The following RNF123 variants were observed in gnomAD, a reference collection of about 807,000 sequenced individuals.
RNF123 encodes the protein E3 ubiquitin-protein ligase RNF123.
In RNF123, 86 loss-of-function variants were observed where a neutral mutation model predicts 168.5. The observed-to-expected ratio is 0.51, with a 90% CI of 0.43 to 0.61. The LOEUF (loss-of-function observed/expected upper bound fraction) is 0.61. Ranked by LOEUF, RNF123 falls within the 20% of genes least tolerant of loss-of-function variation. RNF123 has a pLI of 0.00. For missense variants in RNF123, 1,419 were observed against 1,729.7 expected (o/e 0.82, Z 3.19); for synonymous variants, 666 against 689.1 (o/e 0.97, Z 0.52).
At chr3:49,705,461 T>C in intron 23 of RNF123, 73 bp from the exon 24 acceptor site, 1 of 1,520,748 alleles carries the variant, frequency 6.6e-7, no homozygotes, top group East Asian at 2.3e-5. Context: ...GATGATTTCC[T>C]CTCCTGCTGT....
At position 49,700,621 on chromosome 3, in the gene RNF123, G is replaced by T; in HGVS notation, c.1204-15G>T. The T allele has an allele frequency of 6.2e-7, 1 of 1,614,134 alleles. No individual in the cohort carries two copies. Among genetic ancestry groups the T allele is most frequent in the Non-Finnish European group, 8.5e-7 (1 of 1,180,008 alleles). On this transcript the variant is annotated splice_polypyrimidine_tract_variant and intron_variant, in intron 14 of 38. Coordinates refer to ENST00000327697, the MANE Select transcript of RNF123 (RefSeq NM_022064.5). ...TGGGACTCGCCTGTCCACTCTGAAC[G>T]CCCCCTCTCCACAGATCCATTACCT...
intron 15 of RNF123, 36 bp downstream of exon 15, chr3:49,700,745 G>C: frequency 6.2e-7 from 1 of 1,610,528 alleles, no homozygotes; most frequent in Non-Finnish European, 8.5e-7. Flanking sequence ...GCCAGACATG[G>C]GGTGCCCTCT....
chr3:49,691,112 G>C lies in RNF123; in HGVS notation c.-36-18G>C, dbSNP rs1349851586. On this transcript the variant is annotated intron_variant, in intron 1 of 38. Transcript: ENST00000327697. ...CCCCTGGCTGGCCCTGAGTAGACAG[G>C]CTCTGTGTCTGGCTCAGCCCCCAGG... 4 of 1,557,690 alleles carry C rather than the reference G, an allele frequency of 2.6e-6. No individual in the cohort carries two copies. In the African/African-American group the frequency reaches 5.4e-5, roughly 21 times the overall value.
intron 26 of RNF123, among the ~76,000 whole-genome samples, chr3:49,708,977 A>T (rs1027246728): frequency 6.6e-6 from 1 of 151,468 alleles, no homozygotes; most frequent in Non-Finnish European, 1.5e-5. Context: ...TTAATTTTTT[A>T]TTTTTTTTGA....
chr3:49,719,386 G>A, intron 35 of RNF123: 3 of 1,613,604 alleles, frequency 1.9e-6, no homozygotes, highest in Non-Finnish European at 2.5e-6. Context: ...CGCACGGGGC[G>A]GGAAACCCTC....
rs1222054357 is a variant in RNF123, at chr3:49,713,984, T to G, written c.2912T>G (p.Val971Gly). ...RPWAQTNWILVRLWRGCGFGY... is the reference protein window; with the variant it reads ...RPWAQTNWILGRLWRGCGFGY... ...TGGGCCCAGACCAACTGGATCCTGG[T>G]GCGGCTCTGGAGGGTAAGCCTGACT... The change falls in exon 30 of 39, where the codon GTG becomes GGG. Residue 971 changes from valine to glycine, a missense_variant. Val to Gly is a moderately radical substitution (Grantham distance 109, BLOSUM62 -3). Coordinates refer to ENST00000327697, the MANE Select transcript of RNF123 (RefSeq NM_022064.5). The G allele has an allele frequency of 6.8e-6, 11 of 1,614,034 alleles. No homozygotes were observed. The highest frequency in any genetic ancestry group is 1.1e-5 in the South Asian group (1 of 91,086).
intron 35 of RNF123, chr3:49,716,706 C>T: frequency 4.0e-6 from 2 of 506,258 alleles, no homozygotes; most frequent in Non-Finnish European, 3.6e-6. Flanking sequence ...CCCTGGCCCA[C>T]AGAGCCACTG....
In RNF123 at chr3:49,699,959, A is replaced by G; in HGVS notation, c.984+187A>G. Reference sequence around the variant, plus strand: ...AGGGAAACAGGGACATTGCCAACCAAGGGCATCAGGGGATGTCCTGGAAAG... The same window carrying G: ...AGGGAAACAGGGACATTGCCAACCAGGGGCATCAGGGGATGTCCTGGAAAG... On this transcript the variant is annotated intron_variant, in intron 12 of 38. Coordinates refer to ENST00000327697, the MANE Select transcript of RNF123 (RefSeq NM_022064.5). The surrounding 1 kb of genome is among the most constrained non-coding windows in gnomAD (Gnocchi z 4.8). 2.9e-6 allele frequency: 2 copies of G among 689,628 alleles called. No homozygotes were observed. The highest frequency in any genetic ancestry group is 2.6e-5 in the Admixed American group (1 of 38,110). The allele number at this position is 689,628 out of a possible 1,614,324, so 42.7% of individuals were successfully genotyped here. A position where few individuals can be genotyped will look rare whatever the true frequency, so the allele number is the denominator to read the frequency against.
At chr3:49,720,994 C>T (rs773696343) in intron 37 of RNF123, 26 bp from the exon 38 acceptor site, 1 of 1,608,736 alleles carries the variant, frequency 6.2e-7, no homozygotes, top group Non-Finnish European at 8.5e-7. Flanking sequence ...CCAACTCCAG[C>T]CCACCCTTCA....
At position 49,699,831 on chromosome 3, in the gene RNF123, G is replaced by A. The variant is rs967063384; in HGVS notation, c.984+59G>A. ...GAGACAGGCCATGCTAGACACGCCC[G>A]TGGTAGATGTGCCCTCACTGAGGGC... On this transcript the variant is annotated intron_variant, in intron 12 of 38. Transcript: ENST00000327697. The surrounding 1 kb of genome is among the most constrained non-coding windows in gnomAD (Gnocchi z 4.8). The A allele has an allele frequency of 5.1e-5, 77 of 1,521,150 alleles. No individual in the cohort carries two copies. The highest frequency in any genetic ancestry group is 4.6e-4 in the Middle Eastern group (2 of 4,388). 94.2% of individuals were successfully genotyped at this position (1,521,150 alleles called of 1,614,324 possible).
In RNF123 at chr3:49,715,565, C is replaced by T. The variant is rs559736828; in HGVS notation, c.3011-10C>T. ...AGTCCCTGATGATGCCGCCTCCTGT[C>T]CCCCTGCAGAGCCCTGCCCTTCCAC... On this transcript the variant is annotated splice_polypyrimidine_tract_variant and intron_variant, in intron 31 of 38. Transcript: ENST00000327697. The T allele has an allele frequency of 9.9e-6, 16 of 1,613,710 alleles. No individual in the cohort carries two copies. In the East Asian group the frequency reaches 2.7e-4, roughly 27 times the overall value.
At chr3:49,701,432 C>T in intron 15 of RNF123, 59 bp from the exon 16 acceptor site, 1 of 1,345,802 alleles carries the variant, frequency 7.4e-7, no homozygotes, top group South Asian at 1.2e-5. Context: ...TGGGGAAGGA[C>T]TCTTGAGGGT....
At chr3:49,702,989 C>T (rs1409157473) in intron 20 of RNF123, among the ~76,000 whole-genome samples, 2 of 152,220 alleles carry the variant, frequency 1.3e-5, no homozygotes, top group South Asian at 2.1e-4. Flanking sequence ...GGGCTCCTAC[C>T]ATTGTGGGCT....
Position 49,713,943 on chromosome 3 carries a change from C to G in RNF123, c.2871C>G (p.Pro957=). The change falls in exon 30 of 39, where the codon CCC becomes CCG. Residue 957 remains proline, a synonymous_variant. Coordinates refer to ENST00000327697, the MANE Select transcript of RNF123 (RefSeq NM_022064.5). ...CCATGGTGAGGAACCTCCTGGCGCC[C>G]TATGAGCAGCGGCCCTGGGCCCAGA... ...RIAMVRNLLA[P]YEQRPWAQTN... 6.2e-7 allele frequency: 1 copy of G among 1,614,028 alleles called. No individual in the cohort carries two copies.
chr3:49,718,670 G>T (rs749419072), intron 35 of RNF123: 11 of 1,612,884 alleles, frequency 6.8e-6, no homozygotes, highest in Non-Finnish European at 9.3e-6. Context: ...ACGCGGCTGT[G>T]CTGGAAGAAG....
In RNF123 at chr3:49,699,559, C is replaced by G; in HGVS notation, c.856C>G (p.Leu286Val). Reference sequence around the variant, plus strand: ...GTTGCTGGGCTGCTTCCGGGCAGTGCTGAGTGTGGAGCTGGACCCTGTGGT... The same window carrying G: ...GTTGCTGGGCTGCTTCCGGGCAGTGGTGAGTGTGGAGCTGGACCCTGTGGT... Reference protein sequence around the residue: ...QRLLGCFRAVLSVELDPVEGR... With the variant: ...QRLLGCFRAVVSVELDPVEGR... The change falls in exon 11 of 39, where the codon CTG (leucine) becomes GTG (valine). Residue 286 changes from leucine to valine, a missense_variant. By Grantham distance (32) the Leu-to-Val change is conservative (BLOSUM62 1). Around this residue, in one of 5 missense-constraint regions of RNF123, gnomAD observed 318 missense variants for 446.6 expected, o/e 0.71. Transcript: ENST00000327697. The surrounding 1 kb of genome is among the most constrained non-coding windows in gnomAD (Gnocchi z 4.8). 1 of 1,613,386 alleles carries G rather than the reference C, an allele frequency of 6.2e-7. No homozygotes were observed. Among genetic ancestry groups the G allele is most frequent in the Non-Finnish European group, 8.5e-7 (1 of 1,179,792 alleles).
intron 26 of RNF123, among the ~76,000 whole-genome samples, chr3:49,710,010 T>C (rs546782206): frequency 1.1e-4 from 17 of 152,104 alleles, no homozygotes; most frequent in African/African-American, 4.1e-4. Context: ...TTCTGCCCTT[T>C]TTTTTTCTTG....
rs759826409 is a variant in RNF123 at position 49,721,000 on chromosome 3, C to T, written c.3739-20C>T. On this transcript the variant is annotated intron_variant, in intron 37 of 38. Coordinates refer to ENST00000327697, the MANE Select transcript of RNF123 (RefSeq NM_022064.5). ...GCCAGGCATCCAACTCCAGCCCACC[C>T]TTCACTCTCCTCCCTGCAGCCCACC... 2 of 1,609,548 alleles carry T rather than the reference C, an allele frequency of 1.2e-6. No individual in the cohort carries two copies. Among genetic ancestry groups the T allele is most frequent in the Admixed American group, 3.3e-5 (2 of 59,886 alleles).
intron 31 of RNF123, among the ~76,000 whole-genome samples, chr3:49,714,685 G>A (rs2080206218): frequency 6.6e-6 from 1 of 152,216 alleles, no homozygotes; most frequent in South Asian, 2.1e-4. Context: ...AGTTCCTGGA[G>A]GAAGGGACAT....
Sources: allele counts gnomAD v4.1 joint callset (sites outside exome capture counted in the v4.1 genomes callset), GRCh38; gene constraint gnomAD v4.1.1; regional missense constraint gnomAD v4.1.1; non-coding constraint Gnocchi (gnomAD v3.1); transcripts MANE v1.5; gene names NCBI Gene and HGNC (gene_info 2026-07-23, HGNC 2026-07-21).